Variants in KLHL38 observed in about 807,000 individuals in gnomAD.
KLHL38 encodes the protein kelch like family member 38, also known as kelch-like protein 38.
A neutral mutation model predicts 39.6 loss-of-function variants in KLHL38; 38 were observed. The observed-to-expected ratio is 0.96, with a 90% CI of 0.74 to 1.26. The LOEUF (loss-of-function observed/expected upper bound fraction) is 1.26, where lower values mean the gene tolerates loss of function less well. Ranked by LOEUF, KLHL38 falls within the 50% of genes most tolerant of loss-of-function variation. KLHL38 has a pLI of 0.00. For synonymous variants in KLHL38, 322 were observed against 302.2 expected, an observed-to-expected ratio of 1.07 and a Z score of -0.68; for missense variants, 803 against 748.1, an observed-to-expected ratio of 1.07 and a Z score of -0.86.
In KLHL38 at chr8:123,652,814, A is replaced by G; in HGVS notation, c.113T>C (p.Ile38Thr). The G allele has an allele frequency of 6.2e-7, 1 of 1,613,544 alleles. No individual in the cohort carries two copies. Among genetic ancestry groups the G allele is most frequent in the Non-Finnish European group, 8.5e-7 (1 of 1,180,026 alleles). ...RQSRILTDVS[I>T]CAGAREIPCH... is the part of the protein sequence containing the mutation. The stretch of plus-strand genomic sequence containing the variant: ...GGGGATCTCCCGGGCACCGGCACAG[A>G]TGCTCACATCAGTCAGGATCCTGCT... The change falls in exon 2 of 4, where the codon ATC (isoleucine) becomes ACC (threonine). Residue 38 changes from isoleucine (I) to threonine (T), a missense_variant. Coordinates refer to ENST00000684634, the MANE Select transcript of KLHL38 (RefSeq NM_001081675.3).
intron 2 of KLHL38, among the ~76,000 whole-genome samples, chr8:123,649,676 A>G (rs1812599184): frequency 6.6e-6 from 1 of 152,108 alleles, no homozygotes; most frequent in African/African-American, 2.4e-5. Context: ...CCTCATCTCC[A>G]CAGATATCCA....
intron 2 of KLHL38, among the ~76,000 whole-genome samples, chr8:123,650,245 T>C (rs1454761798): frequency 6.6e-6 from 1 of 152,066 alleles, no homozygotes; most frequent in African/African-American, 2.4e-5. Context: ...CTGGGCCACA[T>C]TGGAAGGAGA....
At chr8:123,646,068 C>A in intron 3 of KLHL38, 40 bp from the exon 4 acceptor site, 1 of 1,579,384 alleles carries the variant, frequency 6.3e-7, no homozygotes, top group South Asian at 1.1e-5. Flanking sequence ...CAGTGTTGCT[C>A]ATCTGGGACT....
chr8:123,651,874 G>A lies in KLHL38; in HGVS notation c.1053C>T (p.His351=). The change falls in exon 2 of 4, where the codon CAC becomes CAT. Residue 351 remains histidine, a synonymous_variant. Transcript: ENST00000684634. ...GTTTCAGGGAGAAGATGTAGACATT[G>A]TGACTGACCAGACTCCTCCCTGAGC... ...AVSSGRSLVS[H]NVYIFSLKLN... is the part of the protein sequence containing the mutation. 6.2e-7 allele frequency: 1 copy of A among 1,614,156 alleles called. No homozygotes were observed. The highest frequency in any genetic ancestry group is 8.5e-7 in the Non-Finnish European group (1 of 1,179,990).
chr8:123,651,586 G>A lies in KLHL38; in HGVS notation c.1341C>T (p.Arg447=), dbSNP rs564159569. The A allele has an allele frequency of 3.8e-6, 6 of 1,574,626 alleles. No individual in the cohort carries two copies. In the African/African-American group the frequency reaches 5.4e-5, roughly 14 times the overall value. ...AGAACCGGCCATTTACCTGGATAAGGCGCACAGGGTTCTGCATGATGTCCT... is the reference window on the plus strand; with the variant it reads ...AGAACCGGCCATTTACCTGGATAAGACGCACAGGGTTCTGCATGATGTCCT... The part of the protein sequence containing the change: ...GGEDIMQNPV[R]LIQVYHISRN... Residue 447 remains arginine, a synonymous_variant, in exon 2 of 4, where the codon CGC becomes CGT. Transcript: ENST00000684634.
Position 123,652,889 on chromosome 8 carries a change from T to G in KLHL38, c.38A>C (p.Asp13Ala). ...CAACAAGTCAGAAGAGAAGTCGTGG[T>G]CTTTGAAGAGCAGCCCATCTAGTGA... The part of the protein sequence containing the change: ...EESLDGLLFK[D>A]HDFSSDLLRQ... Residue 13 changes from aspartate (D) to alanine (A), a missense_variant, in exon 2 of 4, where the codon GAC becomes GCC. Asp to Ala is a moderately radical substitution (Grantham distance 126). Transcript: ENST00000684634. 1 of 1,601,622 alleles carries G rather than the reference T, an allele frequency of 6.2e-7. No homozygotes were observed. Among genetic ancestry groups the G allele is most frequent in the Non-Finnish European group, 8.5e-7 (1 of 1,179,716 alleles).
intron 1 of KLHL38, 147 bp from the exon 2 acceptor site, chr8:123,653,074 T>C: frequency 3.7e-6 from 3 of 805,078 alleles, no homozygotes; most frequent in Non-Finnish European, 5.6e-6. Context: ...ATGGATATTG[T>C]GTAGGGAAGA....
At chr8:123,650,684 T>C (rs954940642) in intron 2 of KLHL38, among the ~76,000 whole-genome samples, 2 of 152,194 alleles carry the variant, frequency 1.3e-5, no homozygotes, top group African/African-American at 4.8e-5. Context: ...GTGGCCTTTA[T>C]TGAGCATACT....
rs28742115 is a variant in KLHL38 at position 123,652,417 on chromosome 8, G to A, written c.510C>T (p.Ala170=). 2.6e-3 allele frequency: 4,250 copies of A among 1,614,098 alleles called. 97 individuals carry two copies. The African/African-American group carries it at 0.047, about 18-fold the overall frequency. Residue 170 remains alanine, a synonymous_variant, in exon 2 of 4, where the codon GCC becomes GCT. Coordinates refer to ENST00000684634, the MANE Select transcript of KLHL38 (RefSeq NM_001081675.3). ...CCAAGGCACAGAGCTCCTTCAGGTC[G>A]GCCGATGCGGCCACCTCTGGGAAGG... The part of the protein sequence containing the change: ...LTSFPEVAAS[A]DLKELCALEL...
intron 2 of KLHL38, among the ~76,000 whole-genome samples, chr8:123,650,266 G>A (rs771561801): frequency 6.6e-6 from 1 of 152,024 alleles, no homozygotes; most frequent in African/African-American, 2.4e-5. Flanking sequence ...GTTGTCTTGG[G>A]TCACACATAA....
At chr8:123,649,483 G>A (rs560244743) in intron 2 of KLHL38, among the ~76,000 whole-genome samples, 65 of 152,264 alleles carry the variant, frequency 4.3e-4, no homozygotes, top group African/African-American at 1.6e-3. Flanking sequence ...GAGTCTCCCA[G>A]TTCTCCCCTT....
chr8:123,648,104 A>G (rs1305967543), intron 2 of KLHL38, among the ~76,000 whole-genome samples: 1 of 152,158 alleles, frequency 6.6e-6, no homozygotes, highest in Non-Finnish European at 1.5e-5. Context: ...AGGTAAGATT[A>G]CCAGCACTAT....
rs564636834 is a variant in KLHL38 at position 123,644,541 on chromosome 8, A to T, written c.*1198T>A. Among the ~76,000 whole-genome samples, 1 of 152,342 alleles carries T rather than the reference A, an allele frequency of 6.6e-6. No individual in the cohort carries two copies. Among genetic ancestry groups the T allele is most frequent in the Admixed American group, 6.5e-5 (1 of 15,304 alleles). ...TATCTCTGGAATTTCAATGTACTAC[A>T]TCCATAGAATGCAGAAAAACAAGGT... On this transcript the variant is annotated 3_prime_UTR_variant, in exon 4 of 4. Transcript: ENST00000684634.
Position 123,652,117 on chromosome 8 carries a change from G to C in KLHL38, c.810C>G (p.Cys270Trp). 1 of 1,614,208 alleles carries C rather than the reference G, an allele frequency of 6.2e-7. No individual in the cohort carries two copies. Among genetic ancestry groups the C allele is most frequent in the Non-Finnish European group, 8.5e-7 (1 of 1,180,038 alleles). The change falls in exon 2 of 4, where the codon TGC (cysteine) becomes TGG (tryptophan). Residue 270 changes from cysteine to tryptophan, a missense_variant. Cys to Trp is a radical substitution (Grantham distance 215). Transcript: ENST00000684634. ...FSLCGTTVPD[C>W]KLLLHVPPRN... ...TTGGAGGGACATGCAACAGGAGTTT[G>C]CAGTCTGGGACGGTGGTGCCACACA... is the stretch of plus-strand genomic sequence containing the variant.
At chr8:123,651,426 GTT>G in intron 2 of KLHL38, 149 bp downstream of exon 2, 1 of 804,656 alleles carries the variant, frequency 1.2e-6, no homozygotes, top group Non-Finnish European at 1.9e-6. Flanking sequence ...GCATATGTGT[GTT>G]TGTGTATATG....
rs566165065 is a variant in KLHL38, at chr8:123,644,730, G to A, written c.*1009C>T. 1.3e-5 allele frequency among the ~76,000 whole-genome samples: 2 copies of A among 152,272 alleles called. No homozygotes were observed. Among genetic ancestry groups the A allele is most frequent in the African/African-American group, 2.4e-5 (1 of 41,560 alleles). On this transcript the variant is annotated 3_prime_UTR_variant, in exon 4 of 4. Transcript: ENST00000684634. Reference sequence around the variant, plus strand: ...GCTTCTAACCCATTATATGCAGTTTGGATGGGCTGTCAGTGACAACAGGTA... The same window carrying A: ...GCTTCTAACCCATTATATGCAGTTTAGATGGGCTGTCAGTGACAACAGGTA...
rs746193315 is a variant in KLHL38, at chr8:123,647,023, G to C, written c.1351-9C>G. On this transcript the variant is annotated splice_polypyrimidine_tract_variant and intron_variant, in intron 2 of 3. Coordinates refer to ENST00000684634, the MANE Select transcript of KLHL38 (RefSeq NM_001081675.3). ...CTGGAAATGTGATAAACCTGAGGGA[G>C]AGAGAGAATCATGGCACTGCATTTT... The C allele has an allele frequency of 5.4e-6, 8 of 1,476,988 alleles. No individual in the cohort carries two copies. The highest frequency in any genetic ancestry group is 2.3e-5 in the East Asian group (1 of 44,194). 91.5% of individuals were successfully genotyped at this position (1,476,988 alleles called of 1,614,324 possible). A position where few individuals can be genotyped will look rare whatever the true frequency, so the allele number is the denominator to read the frequency against.
chr8:123,652,153 C>A lies in KLHL38; in HGVS notation c.774G>T (p.Gln258His). 1 of 1,614,204 alleles carries A rather than the reference C, an allele frequency of 6.2e-7. No individual in the cohort carries two copies. The highest frequency in any genetic ancestry group is 8.5e-7 in the Non-Finnish European group (1 of 1,180,026). The change falls in exon 2 of 4, where the codon CAG becomes CAT. Residue 258 changes from glutamine to histidine, a missense_variant. Coordinates refer to ENST00000684634, the MANE Select transcript of KLHL38 (RefSeq NM_001081675.3). The stretch of plus-strand genomic sequence containing the variant: ...CGGTGGTGCCACACAAAGAGAACAT[C>A]TGTCTCTTGGCGGTCTCCAAGATGA... ...CQIILETAKR[Q>H]MFSLCGTTVP...
Position 123,645,449 on chromosome 8 carries a change from A to G in KLHL38, c.*290T>C, listed in dbSNP as rs867985824. On this transcript the variant is annotated 3_prime_UTR_variant, in exon 4 of 4. Transcript: ENST00000684634. ...GAAACTCCATCTCAAAAAAAAGAAA[A>G]AGAGAGAGAGAGAGAGAGAGAGAGA... is the stretch of plus-strand genomic sequence containing the variant. 3 of 324,142 alleles carry G rather than the reference A, an allele frequency of 9.3e-6. No homozygotes were observed. Among genetic ancestry groups the G allele is most frequent in the Admixed American group, 4.5e-5 (1 of 22,052 alleles). The allele number at this position is 324,142 out of a possible 1,614,324, so 20.1% of individuals were successfully genotyped here. A position where few individuals can be genotyped will look rare whatever the true frequency, so the allele number is the denominator to read the frequency against.
Sources: allele counts gnomAD v4.1 joint callset (sites outside exome capture counted in the v4.1 genomes callset), GRCh38; gene constraint gnomAD v4.1.1; transcripts MANE v1.5; gene names NCBI Gene and HGNC (gene_info 2026-07-23, HGNC 2026-07-21).